TGFB2: variants seen among roughly 807,000 people sequenced by gnomAD.
The protein encoded by TGFB2 is transforming growth factor beta 2, also known as transforming growth factor beta-2 proprotein.
A neutral mutation model predicts 42.7 loss-of-function variants in TGFB2; 13 were observed. The observed-to-expected ratio is 0.30, with a 90% CI of 0.20 to 0.48. The LOEUF is 0.48. Among genes scored for constraint, TGFB2 ranks in the 20% least tolerant of loss-of-function variants. The pLI, the probability that TGFB2 is intolerant of heterozygous loss-of-function variation, is 0.99. For missense variants in TGFB2, 390 were observed against 517.5 expected (o/e 0.75, Z 2.39); for synonymous variants, 193 against 193.6 (o/e 1.00, Z 0.03).
At chr1:218,358,653 A>G (rs1443801499) in intron 1 of TGFB2, among the ~76,000 whole-genome samples, 1 of 147,150 alleles carries the variant, frequency 6.8e-6, no homozygotes, top group Non-Finnish European at 1.5e-5. Flanking sequence ...GGTTCATGCC[A>G]TTCTTCTGCC....
intron 1 of TGFB2, among the ~76,000 whole-genome samples, chr1:218,358,667 G>A (rs1000570684): frequency 2.0e-5 from 3 of 150,778 alleles, no homozygotes; most frequent in Admixed American, 6.6e-5. Context: ...TTCTGCCTCA[G>A]CCTCCCGAGT....
At chr1:218,437,797 G>A (rs889067400) in intron 6 of TGFB2, among the ~76,000 whole-genome samples, 4 of 152,132 alleles carry the variant, frequency 2.6e-5, no homozygotes, top group South Asian at 2.1e-4. Context: ...AACAACTGGA[G>A]GGAAGTTTTG....
At chr1:218,415,013 G>A (rs930354277) in intron 2 of TGFB2, among the ~76,000 whole-genome samples, 5 of 152,128 alleles carry the variant, frequency 3.3e-5, no homozygotes, top group Non-Finnish European at 7.4e-5. Context: ...AGTTGATCAG[G>A]GTGGGTGCAA....
At chr1:218,391,905 A>C (rs1658326287) in intron 1 of TGFB2, among the ~76,000 whole-genome samples, 1 of 152,246 alleles carries the variant, frequency 6.6e-6, no homozygotes, top group Admixed American at 6.5e-5. Flanking sequence ...AATTATGTTC[A>C]GATGTAATGG....
chr1:218,398,599 TA>T (rs1318192489), intron 1 of TGFB2, among the ~76,000 whole-genome samples: 4 of 152,156 alleles, frequency 2.6e-5, no homozygotes, highest in African/African-American at 9.6e-5. Flanking sequence ...TTTTTTATTT[TA>T]TTTTTTGAGT....
intron 4 of TGFB2, 58 bp downstream of exon 4, chr1:218,434,506 A>C: frequency 3.2e-4 from 342 of 1,074,948 alleles, no homozygotes; most frequent in Non-Finnish European, 4.5e-4. Flanking sequence ...TGATAATCTC[A>C]TGGGGGATAA....
chr1:218,362,880 G>A (rs1571836338), intron 1 of TGFB2, among the ~76,000 whole-genome samples: 3 of 152,222 alleles, frequency 2.0e-5, no homozygotes, highest in Admixed American at 1.3e-4. Flanking sequence ...TTTCACATGC[G>A]GGTTAGAAAT....
chr1:218,362,416 TGTCA>T (rs1400989264), intron 1 of TGFB2, among the ~76,000 whole-genome samples: 3 of 152,218 alleles, frequency 2.0e-5, no homozygotes, highest in Non-Finnish European at 4.4e-5. Context: ...ACCTTTTGTC[TGTCA>T]GTCTGTTTTA....
rs948958631 is a variant in TGFB2 at position 218,415,796 on chromosome 1, A to G, written c.510+10464A>G. On this transcript the variant is annotated intron_variant, in intron 2 of 6. Coordinates refer to ENST00000366930, the MANE Select transcript of TGFB2 (RefSeq NM_003238.6). ...CCAGTCAGCCCTTTCTCTGAACCTC[A>G]GTTTTTCATCTGAAACTGGAGATAA... Among the ~76,000 whole-genome samples, 171 of 151,380 alleles carry G rather than the reference A, an allele frequency of 1.1e-3. 2 individuals are homozygous for G. Among genetic ancestry groups the G allele is most frequent in the Admixed American group, 4.6e-4 (7 of 15,132 alleles).
At chr1:218,385,423 C>A (rs950952995) in intron 1 of TGFB2, among the ~76,000 whole-genome samples, 1 of 152,202 alleles carries the variant, frequency 6.6e-6, no homozygotes, top group African/African-American at 2.4e-5. Context: ...GTTCACAGAG[C>A]ACAGAGGTTT....
chr1:218,395,595 A>C (rs1368618899), intron 1 of TGFB2, among the ~76,000 whole-genome samples: 4 of 143,778 alleles, frequency 2.8e-5, no homozygotes, highest in African/African-American at 5.2e-5. Flanking sequence ...CTCTTGATTT[A>C]TTTTCTTTTC....
At chr1:218,435,938 A>T in intron 4 of TGFB2, 32 bp from the exon 5 acceptor site, 1 of 1,575,886 alleles carries the variant, frequency 6.3e-7, no homozygotes, top group Non-Finnish European at 8.6e-7. Context: ...AGGTGAAGCT[A>T]AATGTTTATT....
intron 2 of TGFB2, among the ~76,000 whole-genome samples, chr1:218,419,990 C>G (rs1659401093): frequency 6.6e-6 from 1 of 152,160 alleles, no homozygotes; most frequent in Non-Finnish European, 1.5e-5. Context: ...AAAGTGCTCA[C>G]TTAAATTATA....
chr1:218,442,722 T>C lies in TGFB2; in HGVS notation c.*1360T>C, dbSNP rs1660197364. 1 of 152,090 alleles carries C rather than the reference T, an allele frequency of 6.6e-6. No individual in the cohort carries two copies. Among genetic ancestry groups the C allele is most frequent in the African/African-American group, 2.4e-5 (1 of 41,424 alleles). The allele number at this position is 152,090 out of a possible 1,614,324, so 9.4% of individuals were successfully genotyped here. ...GGGTTCGAGTTCAGTGGTCTTCATC[T>C]TCCAAGCATCATTACTAACCAAGTC... is the stretch of plus-strand genomic sequence containing the variant. On this transcript the variant is annotated 3_prime_UTR_variant, in exon 7 of 7. Transcript: ENST00000366930.
chr1:218,375,446 A>AT (rs1657710594), intron 1 of TGFB2, among the ~76,000 whole-genome samples: 1 of 151,786 alleles, frequency 6.6e-6, no homozygotes, highest in African/African-American at 2.4e-5. Context: ...ATTAAAAAAA[A>AT]AAAACCCAAC....
At chr1:218,404,706 C>T (rs936395340) in intron 1 of TGFB2, among the ~76,000 whole-genome samples, 2 of 151,964 alleles carry the variant, frequency 1.3e-5, no homozygotes, top group African/African-American at 4.8e-5. Context: ...ATATATGAGC[C>T]TGGTTAAAAA....
rs556363139 is a variant in TGFB2, at chr1:218,367,891, C to T, written c.346+20844C>T. Among the ~76,000 whole-genome samples, 6 of 152,328 alleles carry T rather than the reference C, an allele frequency of 3.9e-5. No individual in the cohort carries two copies. The East Asian group carries it at 1.2e-3, about 29-fold the overall frequency. On this transcript the variant is annotated intron_variant, in intron 1 of 6. Transcript: ENST00000366930. ...CATCTCAGCTTACTGCAACCTCCGCCTCCCAGGTTCAAGCAATTCTCCTGC... is the reference window on the plus strand; with the variant it reads ...CATCTCAGCTTACTGCAACCTCCGCTTCCCAGGTTCAAGCAATTCTCCTGC...
intron 2 of TGFB2, among the ~76,000 whole-genome samples, chr1:218,406,465 C>A (rs1411296753): frequency 5.3e-5 from 8 of 152,276 alleles, no homozygotes; most frequent in South Asian, 2.1e-4. Flanking sequence ...GAATCAGAAT[C>A]CCCATTTTAA....
At chr1:218,348,133 G>A (rs1331411915) in intron 1 of TGFB2, among the ~76,000 whole-genome samples, 1 of 150,022 alleles carries the variant, frequency 6.7e-6, no homozygotes, top group East Asian at 2.0e-4. Context: ...ACCTGAGAGG[G>A]TTAAATACCA....
Sources: gnomAD v4.1 joint callset for allele counts (sites outside exome capture counted in the v4.1 genomes callset) on GRCh38, gnomAD v4.1.1 for gene constraint, MANE v1.5 for transcripts, NCBI Gene and HGNC (gene_info 2026-07-23, HGNC 2026-07-21) for gene names.